Variants in MYBPC2 observed in about 807,000 individuals in gnomAD.
MYBPC2 encodes the protein myosin-binding protein C, fast-type.
A neutral mutation model predicts 137.0 loss-of-function variants in MYBPC2; 122 were observed. That is an observed-to-expected ratio of 0.89 (90% CI 0.77 to 1.03). MYBPC2 has a LOEUF of 1.03. Ranked by LOEUF, MYBPC2 falls within the 50% of genes least tolerant of loss-of-function variation. The pLI, the probability that MYBPC2 is intolerant of heterozygous loss-of-function variation, is 0.00. For synonymous variants in MYBPC2, 626 were observed against 612.3 expected, an observed-to-expected ratio of 1.02 and a Z score of -0.33; for missense variants, 1,500 against 1,534.4, an observed-to-expected ratio of 0.98 and a Z score of 0.37.
In MYBPC2 at chr19:50,448,256, G is replaced by A. The variant is rs762560060; in HGVS notation, c.1338G>A (p.Ala446=). Residue 446 remains alanine (A), a synonymous_variant, in exon 13 of 28, where the codon GCG becomes GCA. Transcript: ENST00000357701. ...EKQLEVLQDI[A]DLTVKASEQA... is the part of the protein sequence containing the mutation. ...AGCTGGAGGTCCTGCAGGACATCGC[G>A]GATCTGACGGTGAAGGCCTCAGAAC... The A allele has an allele frequency of 1.1e-5, 17 of 1,613,630 alleles. No individual in the cohort carries two copies. Among genetic ancestry groups the A allele is most frequent in the Middle Eastern group, 1.6e-4 (1 of 6,084 alleles).
At chr19:50,444,862 A>G (rs1448646273) in intron 11 of MYBPC2, among the ~76,000 whole-genome samples, 1 of 138,614 alleles carries the variant, frequency 7.2e-6, no homozygotes, top group African/African-American at 2.8e-5. Flanking sequence ...CCTGGGAGAC[A>G]CAGCGAGACT....
At chr19:50,463,601 G>C (rs946890270) in intron 26 of MYBPC2, among the ~76,000 whole-genome samples, 1 of 152,082 alleles carries the variant, frequency 6.6e-6, no homozygotes, top group Non-Finnish European at 1.5e-5. Context: ...CTGTATGTTG[G>C]GGGAGACTGA....
intron 20 of MYBPC2, 46 bp downstream of exon 20, chr19:50,455,690 T>C: frequency 1.2e-6 from 2 of 1,603,876 alleles, no homozygotes; most frequent in African/African-American, 1.3e-5. Flanking sequence ...CTAGCACAGG[T>C]GGGTATCCAG....
Position 50,466,188 on chromosome 19 carries a change from C to G in MYBPC2, c.3416-7C>G, listed in dbSNP as rs753547921. ...CCTGGCTCACCCGCTTTCTCGTTTT[C>G]CTGCAGTGCCGCAGTGAGACCTGTC... is the stretch of plus-strand genomic sequence containing the variant. On this transcript the variant is annotated splice_region_variant and splice_polypyrimidine_tract_variant and intron_variant, in intron 27 of 27. Coordinates refer to ENST00000357701, the MANE Select transcript of MYBPC2 (RefSeq NM_004533.4). The surrounding 1 kb of genome is among the most constrained non-coding windows in gnomAD (Gnocchi z 4.9). The G allele has an allele frequency of 2.0e-5, 32 of 1,613,700 alleles. No individual in the cohort carries two copies. Among genetic ancestry groups the G allele is most frequent in the East Asian group, 4.5e-5 (2 of 44,884 alleles).
rs374279516 is a variant in MYBPC2, at chr19:50,454,368, C to G, written c.2013C>G (p.Thr671=). The G allele has an allele frequency of 6.9e-6, 11 of 1,603,992 alleles. No homozygotes were observed. Among genetic ancestry groups the G allele is most frequent in the Non-Finnish European group, 9.4e-6 (11 of 1,173,826 alleles). The change falls in exon 18 of 28, where the codon ACC becomes ACG. Residue 671 remains threonine (T), a splice_region_variant and synonymous_variant. Coordinates refer to ENST00000357701, the MANE Select transcript of MYBPC2 (RefSeq NM_004533.4). The part of the protein sequence containing the change: ...PPMYDGGKPV[T]GYLVERKKKG... Reference sequence around the variant, plus strand: ...TGTACGATGGGGGGAAGCCAGTCACCGGTGAGTGCCTCTGTCCTCATGACC... The same window carrying G: ...TGTACGATGGGGGGAAGCCAGTCACGGGTGAGTGCCTCTGTCCTCATGACC...
intron 26 of MYBPC2, among the ~76,000 whole-genome samples, chr19:50,463,581 A>G (rs1381832568): frequency 6.6e-6 from 1 of 152,178 alleles, no homozygotes. Flanking sequence ...TGATTCGAAC[A>G]AGAAATTTCC....
At chr19:50,463,686 C>T (rs1056465340) in intron 26 of MYBPC2, among the ~76,000 whole-genome samples, 8 of 152,126 alleles carry the variant, frequency 5.3e-5, no homozygotes, top group African/African-American at 1.9e-4. Flanking sequence ...CACCTGTAAT[C>T]CCAGCACTTT....
At chr19:50,434,665 G>A (rs564657194) in intron 1 of MYBPC2, among the ~76,000 whole-genome samples, 1 of 152,192 alleles carries the variant, frequency 6.6e-6, no homozygotes, top group Non-Finnish European at 1.5e-5. Context: ...ATCATGCACC[G>A]CTGGGCGGAC....
At chr19:50,443,136 T>A (rs2039771293) in intron 9 of MYBPC2, among the ~76,000 whole-genome samples, 1 of 151,806 alleles carries the variant, frequency 6.6e-6, no homozygotes, top group African/African-American at 2.4e-5. Flanking sequence ...TACAAAAAAA[T>A]TAAAAAATTA....
chr19:50,443,380 A>G, intron 9 of MYBPC2, 114 bp from the exon 10 acceptor site: 1 of 1,309,972 alleles, frequency 7.6e-7, no homozygotes, highest in East Asian at 2.5e-5. Context: ...CTTTCCACAC[A>G]ATTTGGCTCT....
At chr19:50,462,865 G>A (rs2039983586) in intron 26 of MYBPC2, among the ~76,000 whole-genome samples, 1 of 102,808 alleles carries the variant, frequency 9.7e-6, no homozygotes, top group African/African-American at 3.0e-5. Flanking sequence ...CTTTTTCTTT[G>A]TCCCCTGACT....
Position 50,454,433 on chromosome 19 carries a change from T to G in MYBPC2, c.2014+64T>G, listed in dbSNP as rs1033155836. 4.3e-5 allele frequency: 60 copies of G among 1,385,140 alleles called. 1 individual carries two copies. The African/African-American group carries it at 4.7e-4, about 11-fold the overall frequency. 85.8% of individuals were successfully genotyped at this position (1,385,140 alleles called of 1,614,324 possible). A position where few individuals can be genotyped will look rare whatever the true frequency, so the allele number is the denominator to read the frequency against. On this transcript the variant is annotated intron_variant, in intron 18 of 27. Transcript: ENST00000357701. ...TTTCTGCCTTCTGTTTTTTTTTTTT[T>G]TTTTTTTTTTGAGATGGAGTCTCAC... is the stretch of plus-strand genomic sequence containing the variant.
intron 20 of MYBPC2, among the ~76,000 whole-genome samples, chr19:50,457,755 C>G (rs1046384156): frequency 6.7e-5 from 10 of 148,682 alleles, no homozygotes; most frequent in Non-Finnish European, 1.2e-4. Flanking sequence ...TCTCGGCTCA[C>G]TGCAACCTCT....
rs2039884975 is a variant in MYBPC2, at chr19:50,454,075, G to A, written c.1805G>A (p.Ser602Asn). ...ATCGAGAAGCGGGTGGACTGCAGCA[G>A]CTTTGTGATTGAGAGTGCGCAGCGG... ...TRIEKRVDCSSFVIESAQRED... is the reference protein window; with the variant it reads ...TRIEKRVDCSNFVIESAQRED... Residue 602 changes from serine to asparagine, a missense_variant, in exon 17 of 28, where the codon AGC becomes AAC. Physicochemically the swap from Ser to Asn is conservative, Grantham distance 46. Coordinates refer to ENST00000357701, the MANE Select transcript of MYBPC2 (RefSeq NM_004533.4). 1 of 1,611,002 alleles carries A rather than the reference G, an allele frequency of 6.2e-7. No individual in the cohort carries two copies. The highest frequency in any genetic ancestry group is 8.5e-7 in the Non-Finnish European group (1 of 1,178,728).
chr19:50,461,002 T>TA (rs199819698), intron 24 of MYBPC2, among the ~76,000 whole-genome samples: 1,764 of 147,596 alleles, frequency 0.012, 36 homozygotes, highest in African/African-American at 0.043. Flanking sequence ...TTATTTCTTT[T>TA]AAATTTTTTT....
rs1425895558 is a variant in MYBPC2 at position 50,462,059 on chromosome 19, C to A, written c.3228+23C>A. Reference sequence around the variant, plus strand: ...AAGGTGCCAGGGCAGGGACCCAGATCTGCGTGTGTGTTGCCTTGTGGGGAA... The same window carrying A: ...AAGGTGCCAGGGCAGGGACCCAGATATGCGTGTGTGTTGCCTTGTGGGGAA... On this transcript the variant is annotated intron_variant, in intron 26 of 27. Coordinates refer to ENST00000357701, the MANE Select transcript of MYBPC2 (RefSeq NM_004533.4). 3.2e-6 allele frequency: 5 copies of A among 1,563,636 alleles called. No individual in the cohort carries two copies. The African/African-American group carries it at 5.4e-5, about 17-fold the overall frequency.
At chr19:50,448,456 A>G in intron 13 of MYBPC2, 66 bp downstream of exon 13, 2 of 1,538,982 alleles carry the variant, frequency 1.3e-6, no homozygotes, top group Non-Finnish European at 1.8e-6. Context: ...TAGCTGTGTA[A>G]CAAGCTGTCC....
Position 50,442,255 on chromosome 19 carries a change from G to A in MYBPC2, c.844G>A (p.Asp282Asn), listed in dbSNP as rs35951152. 66,103 of 1,605,746 alleles carry A rather than the reference G, an allele frequency of 0.041. 1,528 individuals carry two copies. Among genetic ancestry groups the A allele is most frequent in the African/African-American group, 0.056 (4,183 of 74,844 alleles). Residue 282 changes from aspartate to asparagine, a missense_variant, in exon 9 of 28, where the codon GAC (aspartate) becomes AAC (asparagine). Coordinates refer to ENST00000357701, the MANE Select transcript of MYBPC2 (RefSeq NM_004533.4). The part of the protein sequence containing the change: ...NKIKLMVEIS[D>N]PDLTLKWFKN... ...GATCAAGTTGATGGTAGAGATCAGC[G>A]ACCCAGACCTGACCCTCAAGTGGTT...
At chr19:50,448,179 A>G (rs2039822531) in intron 12 of MYBPC2, 46 bp from the exon 13 acceptor site, 4 of 1,573,632 alleles carry the variant, frequency 2.5e-6, no homozygotes, top group Non-Finnish European at 3.4e-6. Flanking sequence ...GTGTCTGTGC[A>G]CTGACTAGAG....
Sources: allele counts gnomAD v4.1 joint callset (sites outside exome capture counted in the v4.1 genomes callset), GRCh38; gene constraint gnomAD v4.1.1; non-coding constraint Gnocchi (gnomAD v3.1); transcripts MANE v1.5; gene names NCBI Gene and HGNC (gene_info 2026-07-23, HGNC 2026-07-21).